Variants in MBD5 observed in about 807,000 individuals in gnomAD.
MBD5 encodes methyl-CpG-binding domain protein 5.
MBD5 carries 13 observed loss-of-function variants against 117.3 expected under a neutral mutation model. The observed-to-expected ratio is 0.11, with a 90% confidence interval of 0.07 to 0.18. The LOEUF (loss-of-function observed/expected upper bound fraction) is 0.18, where lower values mean the gene tolerates loss of function less well. MBD5 is among the 10% of genes least tolerant of loss of function. MBD5 has a pLI of 1.00. For synonymous variants in MBD5, 727 were observed against 766.4 expected (o/e 0.95, Z 0.85); for missense variants, 1,879 against 2,093.8 (o/e 0.90, Z 2.00).
intron 1 of MBD5, among the ~76,000 whole-genome samples, chr2:148,067,906 A>G (rs1490088734): frequency 6.6e-6 from 1 of 152,236 alleles, no homozygotes; most frequent in East Asian, 1.9e-4. Context: ...GTAATCTGAT[A>G]AGGGTAGTAT....
At chr2:148,461,480 A>T (rs981212768) in intron 5 of MBD5, among the ~76,000 whole-genome samples, 2 of 152,208 alleles carry the variant, frequency 1.3e-5, no homozygotes, top group African/African-American at 2.4e-5. Context: ...ATAGATTTTT[A>T]AAAAATACTA....
At chr2:148,371,587 A>G in intron 4 of MBD5, among the ~76,000 whole-genome samples, 1 of 152,174 alleles carries the variant, frequency 6.6e-6, no homozygotes, top group Middle Eastern at 3.2e-3. Context: ...ATTTTGCTAA[A>G]GCATCCCTAA....
At chr2:148,211,077 T>C (rs1699411938) in intron 2 of MBD5, among the ~76,000 whole-genome samples, 1 of 152,288 alleles carries the variant, frequency 6.6e-6, no homozygotes, top group Admixed American at 6.5e-5. Flanking sequence ...AATTTATAAG[T>C]TTTATTGAGT....
chr2:148,365,087 A>G (rs987424350), intron 4 of MBD5, among the ~76,000 whole-genome samples: 6 of 152,236 alleles, frequency 3.9e-5, no homozygotes, highest in Non-Finnish European at 1.5e-5. Context: ...CATAATTGAA[A>G]GTAAAGCACT....
intron 3 of MBD5, among the ~76,000 whole-genome samples, chr2:148,340,492 A>T (rs903420026): frequency 1.3e-5 from 2 of 152,218 alleles, no homozygotes; most frequent in Non-Finnish European, 1.5e-5. Context: ...TTAATTCTCC[A>T]TGTTTTAATT....
chr2:148,319,369 G>T (rs745342427), intron 3 of MBD5, among the ~76,000 whole-genome samples: 18 of 152,114 alleles, frequency 1.2e-4, no homozygotes, highest in Non-Finnish European at 1.8e-4. Context: ...TAACAATACT[G>T]ATTCTTCCAA....
chr2:148,255,532 G>C (rs866822031), intron 3 of MBD5, among the ~76,000 whole-genome samples: 1 of 152,170 alleles, frequency 6.6e-6, no homozygotes, highest in Non-Finnish European at 1.5e-5. Flanking sequence ...CCACAACCAG[G>C]TTTTCTATTC....
At chr2:148,389,264 A>ATATAT (rs1704485469) in intron 4 of MBD5, among the ~76,000 whole-genome samples, 1 of 45,222 alleles carries the variant, frequency 2.2e-5, no homozygotes, top group Non-Finnish European at 4.2e-5. Flanking sequence ...ATATATATAT[A>ATATAT]TATATATATA....
In MBD5 at chr2:148,314,286, C is replaced by G. The variant is rs138790644; in HGVS notation, c.-679-27928C>G. 7.6e-3 allele frequency among the ~76,000 whole-genome samples: 1,143 copies of G among 151,326 alleles called. 15 individuals carry two copies. Among genetic ancestry groups the G allele is most frequent in the African/African-American group, 0.026 (1,054 of 41,280 alleles). On this transcript the variant is annotated intron_variant, in intron 3 of 13. Coordinates refer to ENST00000642680, the MANE Select transcript of MBD5 (RefSeq NM_001378120.1). ...CAAAAGGAAATTTTTTTTTTACAGA[C>G]CTAGATATCTTAACTTCTTTATATT...
intron 10 of MBD5, 51 bp from the exon 11 acceptor site, chr2:148,489,335 G>GA: frequency 6.2e-7 from 1 of 1,603,132 alleles, no homozygotes; most frequent in Non-Finnish European, 8.5e-7. Flanking sequence ...TCTCTTTGAG[G>GA]CCTCAAAATT....
intron 4 of MBD5, among the ~76,000 whole-genome samples, chr2:148,389,086 T>A (rs1238473780): frequency 6.6e-6 from 1 of 150,972 alleles, no homozygotes; most frequent in Non-Finnish European, 1.5e-5. Context: ...TTTAATTTTC[T>A]GTTTCTGAGT....
chr2:148,381,618 A>G (rs1704146156), intron 4 of MBD5, among the ~76,000 whole-genome samples: 1 of 152,172 alleles, frequency 6.6e-6, no homozygotes, highest in Non-Finnish European at 1.5e-5. Context: ...TGCCACAAAG[A>G]TACTCCTTGA....
chr2:148,296,795 T>C (rs1232473168), intron 3 of MBD5: 1 of 151,886 alleles, frequency 6.6e-6, no homozygotes, highest in East Asian at 1.9e-4. Flanking sequence ...ATTAATATTG[T>C]ATATCTGTTA....
intron 4 of MBD5, among the ~76,000 whole-genome samples, chr2:148,402,860 TG>T (rs969168592): frequency 7.2e-5 from 11 of 152,094 alleles, no homozygotes; most frequent in Non-Finnish European, 1.5e-4. Context: ...ATCAGATAGT[TG>T]TTTTTTTTTT....
chr2:148,464,816 A>AAC (rs1342863944), intron 7 of MBD5, among the ~76,000 whole-genome samples: 6 of 150,788 alleles, frequency 4.0e-5, no homozygotes, highest in Non-Finnish European at 8.9e-5. Flanking sequence ...AAAAAAAAAA[A>AAC]AACTAGCCAG....
At chr2:148,204,727 A>G (rs1209922474) in intron 2 of MBD5, among the ~76,000 whole-genome samples, 1 of 152,230 alleles carries the variant, frequency 6.6e-6, no homozygotes, top group Non-Finnish European at 1.5e-5. Flanking sequence ...AATGTCTTCA[A>G]GTTTAAATAC....
intron 1 of MBD5, among the ~76,000 whole-genome samples, chr2:148,111,342 C>T (rs918154582): frequency 4.6e-5 from 7 of 152,028 alleles, no homozygotes; most frequent in Non-Finnish European, 7.4e-5. Flanking sequence ...AGTCTAACCA[C>T]GGGGAATTTA....
intron 1 of MBD5, among the ~76,000 whole-genome samples, chr2:148,166,228 G>A (rs954743207): frequency 1.3e-5 from 2 of 152,020 alleles, no homozygotes; most frequent in Admixed American, 6.5e-5. Flanking sequence ...ATTTACTCCT[G>A]TACATAATTT....
intron 5 of MBD5, among the ~76,000 whole-genome samples, chr2:148,459,893 A>G (rs1490181884): frequency 6.6e-6 from 1 of 152,146 alleles, no homozygotes; most frequent in East Asian, 1.9e-4. Context: ...ATTTTGTTGC[A>G]TAAATTTTAC....
Sources: allele counts gnomAD v4.1 joint callset (sites outside exome capture counted in the v4.1 genomes callset), GRCh38; gene constraint gnomAD v4.1.1; transcripts MANE v1.5; gene names NCBI Gene and HGNC (gene_info 2026-07-23, HGNC 2026-07-21).